DMD: variants seen among roughly 807,000 people sequenced by gnomAD.
The protein encoded by DMD is mutant dystrophin.
A neutral mutation model predicts 330.1 loss-of-function variants in DMD; 63 were observed. The observed-to-expected ratio is 0.19, with a 90% CI of 0.16 to 0.24. DMD has a LOEUF of 0.24. DMD is among the 10% of genes least tolerant of loss of function. DMD has a pLI of 1.00. For synonymous variants in DMD, 1,223 were observed against 959.8 expected, an observed-to-expected ratio of 1.27 and a Z score of -5.07; for missense variants, 3,344 against 2,684.1, an observed-to-expected ratio of 1.25 and a Z score of -5.43.
chrX:32,375,641 C>A (rs888642041), intron 34 of DMD, among the ~76,000 whole-genome samples: 13 of 111,868 alleles, frequency 1.2e-4, no homozygotes, highest in Non-Finnish European at 2.3e-4. Context: ...TCATATCCCA[C>A]CCAATTCTTT....
intron 2 of DMD, among the ~76,000 whole-genome samples, chrX:32,949,967 A>ACAT (rs2091133099): frequency 3.2e-5 from 1 of 31,661 alleles, no homozygotes; most frequent in Admixed American, 3.1e-4. Flanking sequence ...TGCAGAGGCA[A>ACAT]AAAAAAAAAA....
In DMD at chrX:32,429,050, T is replaced by C. The variant is rs371995310; in HGVS notation, c.4071+9191A>G. ...GATTAATCCTTTTCGGAAAATCTGT[T>C]TCCATTTTCGATATATGTGTCTTTA... is the stretch of plus-strand genomic sequence containing the variant. On this transcript the variant is annotated intron_variant, in intron 29 of 78. Coordinates refer to ENST00000357033, the MANE Select transcript of DMD (RefSeq NM_004006.3). Among the ~76,000 whole-genome samples the C allele has an allele frequency of 1.1e-4, 12 of 111,532 alleles. 1 individual carries two copies. The East Asian group carries it at 1.4e-3, about 13-fold the overall frequency.
intron 29 of DMD, among the ~76,000 whole-genome samples, chrX:32,421,077 C>T (rs762914200): frequency 4.5e-5 from 5 of 111,834 alleles, no homozygotes; most frequent in South Asian, 3.8e-4. Flanking sequence ...ATGTCTGGGA[C>T]GACTGGTCCT....
At chrX:32,363,038 C>A in intron 36 of DMD, 80 bp from the exon 37 acceptor site, 2 of 956,737 alleles carry the variant, frequency 2.1e-6, no homozygotes, top group Non-Finnish European at 1.5e-6. Flanking sequence ...CCAAACAGAG[C>A]GAGTGAGCAA....
chrX:32,223,265 A>G (rs985779672), intron 43 of DMD, among the ~76,000 whole-genome samples: 1 of 111,735 alleles, frequency 8.9e-6, no homozygotes, highest in African/African-American at 3.3e-5. Flanking sequence ...GGCAGAAGGT[A>G]GAAGGGCAAG....
chrX:32,545,139 A>C lies in DMD; in HGVS notation c.2168+20T>G. The C allele has an allele frequency of 8.3e-7, 1 of 1,203,791 alleles. No individual in the cohort carries two copies. Among genetic ancestry groups the C allele is most frequent in the Non-Finnish European group, 1.1e-6 (1 of 888,612 alleles). On this transcript the variant is annotated intron_variant, in intron 17 of 78. Transcript: ENST00000357033. Reference sequence around the variant, plus strand: ...GTTTTCTCCACTTCATTTGCAGATAAAAGCTTAAGATGCTCTCACCTTTTC... The same window carrying C: ...GTTTTCTCCACTTCATTTGCAGATACAAGCTTAAGATGCTCTCACCTTTTC...
intron 61 of DMD, among the ~76,000 whole-genome samples, chrX:31,336,928 T>C (rs2057435631): frequency 1.8e-5 from 1 of 54,376 alleles, no homozygotes; most frequent in Non-Finnish European, 3.6e-5. Context: ...CTTTCTTTCT[T>C]TTTTTTTTTT....
chrX:33,045,357 G>T (rs1158747729), intron 1 of DMD, among the ~76,000 whole-genome samples: 1 of 59,302 alleles, frequency 1.7e-5, no homozygotes. Context: ...TCGTGAGATT[G>T]TAACCACATT....
chrX:33,086,418 G>A (rs1425282165), intron 1 of DMD, among the ~76,000 whole-genome samples: 1 of 111,060 alleles, frequency 9.0e-6, no homozygotes, highest in Admixed American at 9.7e-5. Flanking sequence ...TAATTATAAG[G>A]TAGAACATTT....
chrX:32,948,286 G>C (rs2090964627), intron 2 of DMD, among the ~76,000 whole-genome samples: 1 of 111,723 alleles, frequency 9.0e-6, no homozygotes, highest in South Asian at 3.8e-4. Context: ...AGACAATGTA[G>C]AGTTAAGGGC....
rs745489315 is a variant in DMD, at chrX:31,755,065, C to T, written c.7542+18895G>A. On this transcript the variant is annotated intron_variant, in intron 51 of 78. Transcript: ENST00000357033. ...AACTCAGTTACTTAAGTCAGGAATTCACGTGGGGATAGAGTTAGAATTTAA... is the reference window on the plus strand; with the variant it reads ...AACTCAGTTACTTAAGTCAGGAATTTACGTGGGGATAGAGTTAGAATTTAA... 4.5e-5 allele frequency among the ~76,000 whole-genome samples: 5 copies of T among 111,403 alleles called. No individual in the cohort carries two copies. The South Asian group carries it at 1.9e-3, about 42-fold the overall frequency.
At chrX:32,540,044 T>C (rs755752831) in intron 17 of DMD, among the ~76,000 whole-genome samples, 2 of 111,826 alleles carry the variant, frequency 1.8e-5, no homozygotes, top group Non-Finnish European at 3.8e-5. Flanking sequence ...AAAAACAATT[T>C]GCCATTCATT....
At chrX:32,333,549 A>G (rs1222529953) in intron 41 of DMD, among the ~76,000 whole-genome samples, 1 of 111,290 alleles carries the variant, frequency 9.0e-6, no homozygotes, top group Non-Finnish European at 1.9e-5. Flanking sequence ...TCATCGTCTC[A>G]TAGTGATGAT....
In DMD at chrX:31,908,865, G is replaced by C. The variant is rs182855822; in HGVS notation, c.6912+20731C>G. On this transcript the variant is annotated intron_variant, in intron 47 of 78. Coordinates refer to ENST00000357033, the MANE Select transcript of DMD (RefSeq NM_004006.3). ...TACATTTCTGCTCTCTCCCAAGAAT[G>C]AGCAGAGATAGCCCCAAGCAAAGAG... 2.5e-3 allele frequency among the ~76,000 whole-genome samples: 280 copies of C among 111,267 alleles called. 2 individuals are homozygous for C. The highest frequency in any genetic ancestry group is 7.7e-3 in the African/African-American group (236 of 30,569).
At chrX:32,874,306 T>G (rs1389354430) in intron 2 of DMD, among the ~76,000 whole-genome samples, 2 of 112,174 alleles carry the variant, frequency 1.8e-5, no homozygotes, top group African/African-American at 6.5e-5. Context: ...TTTTCTGATA[T>G]TCTCTATTGA....
intron 1 of DMD, among the ~76,000 whole-genome samples, chrX:33,198,433 A>T: frequency 9.0e-6 from 1 of 111,629 alleles, no homozygotes; most frequent in African/African-American, 3.3e-5. Flanking sequence ...AGTATGGGAA[A>T]TCAAAAAAGG....
chrX:32,358,043 T>G (rs1439368687), intron 37 of DMD, among the ~76,000 whole-genome samples: 1 of 110,112 alleles, frequency 9.1e-6, no homozygotes, highest in Non-Finnish European at 1.9e-5. Context: ...CCATCGTATT[T>G]TACCTAGCAA....
intron 9 of DMD, among the ~76,000 whole-genome samples, chrX:32,652,776 TC>T (rs1569399256): frequency 9.0e-6 from 1 of 111,650 alleles, no homozygotes; most frequent in African/African-American, 3.3e-5. Flanking sequence ...TACAATCCCA[TC>T]AACAGTGTAA....
intron 62 of DMD, among the ~76,000 whole-genome samples, chrX:31,294,623 C>T (rs193168697): frequency 4.5e-5 from 5 of 112,221 alleles, no homozygotes; most frequent in Non-Finnish European, 5.6e-5. Context: ...TTTGAGTAAA[C>T]GTACTTCTGC....
Sources: gnomAD v4.1 joint callset for allele counts (sites outside exome capture counted in the v4.1 genomes callset) on GRCh38, gnomAD v4.1.1 for gene constraint, MANE v1.5 for transcripts, NCBI Gene and HGNC (gene_info 2026-07-23, HGNC 2026-07-21) for gene names.